ZNF569: variants seen among roughly 807,000 people sequenced by gnomAD.
ZNF569 encodes DNA-binding protein.
Under a neutral mutation model 56.3 loss-of-function variants are expected in ZNF569, and 38 were observed. The observed-to-expected ratio is 0.68, with a 90% CI of 0.52 to 0.88. ZNF569 has a LOEUF of 0.88. Ranked by LOEUF, ZNF569 falls within the 40% of genes least tolerant of loss-of-function variation. The pLI is 0.00. For synonymous variants in ZNF569, 241 were observed against 262.9 expected, an observed-to-expected ratio of 0.92 and a Z score of 0.81; for missense variants, 666 against 809.2, an observed-to-expected ratio of 0.82 and a Z score of 2.15.
intron 5 of ZNF569, among the ~76,000 whole-genome samples, chr19:37,424,357 A>C (rs1207774686): frequency 6.6e-6 from 1 of 152,172 alleles, no homozygotes; most frequent in Non-Finnish European, 1.5e-5. Flanking sequence ...AATGAATATC[A>C]AAGTAAGCCT....
In ZNF569 at chr19:37,426,272, T is replaced by C. The variant is rs751089348; in HGVS notation, c.122A>G (p.Tyr41Cys). 5.6e-6 allele frequency: 9 copies of C among 1,612,738 alleles called. No homozygotes were observed. Among genetic ancestry groups the C allele is most frequent in the South Asian group, 1.1e-5 (1 of 90,746 alleles). The change falls in exon 4 of 6, where the codon TAT becomes TGT. Residue 41 changes from tyrosine (Y) to cysteine (C), a missense_variant. By Grantham distance (194) the Tyr-to-Cys change is radical (BLOSUM62 -2). Coordinates refer to ENST00000316950, the MANE Select transcript of ZNF569 (RefSeq NM_152484.3). ...KLYRNVMLENYNNLITVGYPF... is the reference protein window; with the variant it reads ...KLYRNVMLENCNNLITVGYPF... ...CTTACCTACTGTGATTAAGTTGTTA[T>C]AGTTTTCTAGCATCACATTCCGGTA... is the stretch of plus-strand genomic sequence containing the variant.
At position 37,414,187 on chromosome 19, in the gene ZNF569, T is replaced by G; in HGVS notation, c.471A>C (p.Lys157Asn). 1 of 1,613,304 alleles carries G rather than the reference T, an allele frequency of 6.2e-7. No homozygotes were observed. Among genetic ancestry groups the G allele is most frequent in the African/African-American group, 1.3e-5 (1 of 75,020 alleles). The change falls in exon 6 of 6, where the codon AAA becomes AAC. Residue 157 changes from lysine (K) to asparagine (N), a missense_variant. Lys to Asn is a moderately conservative substitution (Grantham distance 94). Transcript: ENST00000316950. Reference sequence around the variant, plus strand: ...CACAATGCTCCTTTCTCATAAGGCATTTCACATTATTATGACAGTCAAAAT... The same window carrying G: ...CACAATGCTCCTTTCTCATAAGGCAGTTCACATTATTATGACAGTCAAAAT... ...EHNFDCHNNV[K>N]CLMRKEHCEY... is the part of the protein sequence containing the mutation.
Position 37,413,349 on chromosome 19 carries a change from GT to G in ZNF569, c.1308del (p.Lys436AsnfsTer106). On this transcript the variant is annotated frameshift_variant, in exon 6 of 6. Coordinates refer to ENST00000316950, the MANE Select transcript of ZNF569 (RefSeq NM_152484.3). LOFTEE classifies it high-confidence loss of function. ...ITHQKIHTRE[K>X]PYECNECGKA... ...TTCCCACATTCATTACACTCATAAGGTTTCTCTCTAGTATGAATTTTCTGGT... is the reference window on the plus strand; with the variant it reads ...TTCCCACATTCATTACACTCATAAGGTTCTCTCTAGTATGAATTTTCTGGT... The G allele has an allele frequency of 1.2e-6, 2 of 1,608,020 alleles. No individual in the cohort carries two copies. Among genetic ancestry groups the G allele is most frequent in the Middle Eastern group, 1.7e-4 (1 of 5,998 alleles).
rs1173440968 is a variant in ZNF569, at chr19:37,412,798, G to A, written c.1860C>T (p.Ser620=). 1.2e-6 allele frequency: 2 copies of A among 1,613,824 alleles called. No homozygotes were observed. The highest frequency in any genetic ancestry group is 1.3e-5 in the African/African-American group (1 of 74,902). Residue 620 remains serine (S), a synonymous_variant, in exon 6 of 6, where the codon TCC becomes TCT. Coordinates refer to ENST00000316950, the MANE Select transcript of ZNF569 (RefSeq NM_152484.3). ...TATGTCCTCGTATATGTATAGTAAG[G>A]GATGAGCTTTGGGAGAAGGCTTTTC... ...KCGKAFSQSS[S]LTIHIRGHTG...
intron 3 of ZNF569, among the ~76,000 whole-genome samples, chr19:37,442,422 G>C (rs753022857): frequency 5.3e-5 from 8 of 152,168 alleles, no homozygotes; most frequent in Non-Finnish European, 1.0e-4. Flanking sequence ...GTGAAACACA[G>C]TGAATGAGGG....
At chr19:37,437,725 T>G (rs1568732675) in intron 3 of ZNF569, among the ~76,000 whole-genome samples, 1 of 152,112 alleles carries the variant, frequency 6.6e-6, no homozygotes, top group Non-Finnish European at 1.5e-5. Context: ...ATTAATATTT[T>G]CAGTAGCTAA....
chr19:37,421,232 A>C (rs971409504), intron 5 of ZNF569, among the ~76,000 whole-genome samples: 1 of 152,162 alleles, frequency 6.6e-6, no homozygotes. Flanking sequence ...ACTGGCTCCA[A>C]CTTAAAGTCA....
At chr19:37,425,447 A>C (rs1222179326) in intron 5 of ZNF569, among the ~76,000 whole-genome samples, 1 of 148,814 alleles carries the variant, frequency 6.7e-6, no homozygotes, top group African/African-American at 2.5e-5. Context: ...TCAGCCTCCC[A>C]AGTAGCTGGG....
intron 5 of ZNF569, among the ~76,000 whole-genome samples, chr19:37,418,181 CAAAT>C (rs1412101463): frequency 6.6e-6 from 1 of 151,256 alleles, no homozygotes; most frequent in Non-Finnish European, 1.5e-5. Context: ...CCAGTCTAAA[CAAAT>C]AAAATTGTTC....
intron 5 of ZNF569, among the ~76,000 whole-genome samples, chr19:37,423,298 T>C (rs2041068676): frequency 2.0e-5 from 3 of 152,120 alleles, no homozygotes; most frequent in Admixed American, 1.3e-4. Context: ...AAGGTCGAAA[T>C]AGTTCAACAG....
In ZNF569 at chr19:37,413,600, G is replaced by T. The variant is rs1317739288; in HGVS notation, c.1058C>A (p.Pro353His). The change falls in exon 6 of 6, where the codon CCT (proline) becomes CAT (histidine). Residue 353 changes from proline (P) to histidine (H), a missense_variant. Physicochemically the swap from Pro to His is moderately conservative, Grantham distance 77 (BLOSUM62 -2). Coordinates refer to ENST00000316950, the MANE Select transcript of ZNF569 (RefSeq NM_152484.3). Reference protein sequence around the residue: ...LHMRSHTGEKPYKCDKCGKAF... With the variant: ...LHMRSHTGEKHYKCDKCGKAF... Reference sequence around the variant, plus strand: ...TTTACCACATTTATCACATTTATAAGGTTTTTCTCCTGTATGACTTCTCAT... The same window carrying T: ...TTTACCACATTTATCACATTTATAATGTTTTTCTCCTGTATGACTTCTCAT... 2 of 1,613,834 alleles carry T rather than the reference G, an allele frequency of 1.2e-6. No homozygotes were observed. The highest frequency in any genetic ancestry group is 3.3e-5 in the Admixed American group (2 of 59,964).
At chr19:37,422,289 G>A (rs1315379395) in intron 5 of ZNF569, among the ~76,000 whole-genome samples, 1 of 152,116 alleles carries the variant, frequency 6.6e-6, no homozygotes, top group East Asian at 1.9e-4. Flanking sequence ...GGAAGAGAGA[G>A]ACCCAGAAAA....
intron 2 of ZNF569, among the ~76,000 whole-genome samples, chr19:37,451,197 C>T (rs923229501): frequency 1.3e-5 from 2 of 151,774 alleles, no homozygotes; most frequent in Admixed American, 6.6e-5. Context: ...GTCAGGAGTT[C>T]GAGACCAGCC....
chr19:37,443,280 AG>A (rs771589838), intron 3 of ZNF569, among the ~76,000 whole-genome samples: 16 of 152,138 alleles, frequency 1.1e-4, no homozygotes, highest in Non-Finnish European at 1.9e-4. Context: ...TGGGAGGCAG[AG>A]GTTGCAGTGA....
Position 37,461,405 on chromosome 19 carries a change from C to A in ZNF569, c.-44+3908G>T, listed in dbSNP as rs573816638. Among the ~76,000 whole-genome samples the A allele has an allele frequency of 2.9e-4, 44 of 150,930 alleles. 1 individual carries two copies. The highest frequency in any genetic ancestry group is 5.3e-4 in the Admixed American group (8 of 15,104). The stretch of plus-strand genomic sequence containing the variant: ...CACTGCAACTTCCGCCTCCTGGGTT[C>A]AAGCGATTCTCCTGCCTCAGGCTCC... On this transcript the variant is annotated intron_variant, in intron 2 of 5. Transcript: ENST00000316950.
intron 3 of ZNF569, among the ~76,000 whole-genome samples, chr19:37,431,408 G>A (rs1024141775): frequency 6.6e-6 from 1 of 152,124 alleles, no homozygotes; most frequent in Non-Finnish European, 1.5e-5. Flanking sequence ...CCATGCGCTA[G>A]CTCCTGGATG....
Position 37,412,832 on chromosome 19 carries a change from T to G in ZNF569, c.1826A>C (p.Asn609Thr). The change falls in exon 6 of 6, where the codon AAT becomes ACT. Residue 609 changes from asparagine (N) to threonine (T), a missense_variant. Transcript: ENST00000316950. ...TTGGGAGAAGGCTTTTCCACATTTA[T>G]TACATTCATAGGGTTTTTCACCTGT... is the stretch of plus-strand genomic sequence containing the variant. ...GHTGEKPYEC[N>T]KCGKAFSQSS... 1.2e-6 allele frequency: 2 copies of G among 1,614,006 alleles called. No individual in the cohort carries two copies. Among genetic ancestry groups the G allele is most frequent in the Non-Finnish European group, 1.7e-6 (2 of 1,179,948 alleles).
intron 2 of ZNF569, among the ~76,000 whole-genome samples, chr19:37,450,157 G>C (rs950729844): frequency 4.6e-5 from 7 of 152,156 alleles, no homozygotes; most frequent in African/African-American, 1.4e-4. Context: ...TCAGGTTAAT[G>C]CTGGCCTCAT....
intron 3 of ZNF569, among the ~76,000 whole-genome samples, chr19:37,427,059 T>G (rs1366709914): frequency 1.3e-5 from 2 of 152,208 alleles, no homozygotes; most frequent in Non-Finnish European, 2.9e-5. Flanking sequence ...GGCTCATGCC[T>G]GTAATCCCAG....
Sources: gnomAD v4.1 joint callset for allele counts (sites outside exome capture counted in the v4.1 genomes callset) on GRCh38, gnomAD v4.1.1 for gene constraint, MANE v1.5 for transcripts, NCBI Gene and HGNC (gene_info 2026-07-23, HGNC 2026-07-21) for gene names.